The following DNM3 variants were observed in gnomAD, a reference collection of about 807,000 sequenced individuals.
The protein encoded by DNM3 is dynamin 3, also known as dynamin-3.
A neutral mutation model predicts 101.6 loss-of-function variants in DNM3; 47 were observed. The observed-to-expected ratio is 0.46, with a 90% CI of 0.37 to 0.59. DNM3 has a LOEUF of 0.59. Among genes scored for constraint, DNM3 ranks in the 20% least tolerant of loss-of-function variants. The pLI is 0.00. For missense variants in DNM3, 849 were observed against 1,085.7 expected (o/e 0.78, Z 3.06); for synonymous variants, 385 against 387.9 (o/e 0.99, Z 0.09).
intron 4 of DNM3, among the ~76,000 whole-genome samples, chr1:172,001,085 A>T (rs1420667128): frequency 6.6e-6 from 1 of 152,068 alleles, no homozygotes; most frequent in African/African-American, 2.4e-5. Flanking sequence ...CACCTGTGAG[A>T]GTCCTGGCCA....
intron 15 of DNM3, among the ~76,000 whole-genome samples, chr1:172,276,246 A>G (rs1366842549): frequency 2.6e-5 from 4 of 151,980 alleles, no homozygotes; most frequent in Non-Finnish European, 5.9e-5. Context: ...CTGTCTGGGC[A>G]AAAAGAAACA....
At chr1:172,151,846 G>A (rs1195306961) in intron 14 of DNM3, among the ~76,000 whole-genome samples, 1 of 152,064 alleles carries the variant, frequency 6.6e-6, no homozygotes, top group African/African-American at 2.4e-5. Context: ...TTTCTGAAGA[G>A]AGGAAAACAG....
chr1:171,943,609 T>A (rs1284633846), intron 2 of DNM3, among the ~76,000 whole-genome samples: 1 of 152,208 alleles, frequency 6.6e-6, no homozygotes, highest in Non-Finnish European at 1.5e-5. Context: ...AATCTTTGAA[T>A]CTACCTATGA....
At chr1:172,311,173 C>G (rs1204967737) in intron 16 of DNM3, 1 of 152,050 alleles carries the variant, frequency 6.6e-6, no homozygotes, top group East Asian at 1.9e-4. Flanking sequence ...TTATTATGAA[C>G]ATTTTCATCA....
chr1:172,058,900 C>T (rs1267607416), intron 10 of DNM3, among the ~76,000 whole-genome samples: 2 of 152,018 alleles, frequency 1.3e-5, no homozygotes, highest in Admixed American at 6.6e-5. Context: ...ATTAATGAAT[C>T]CAGGAGCTGG....
chr1:172,387,556 G>A (rs1490144625), intron 19 of DNM3, among the ~76,000 whole-genome samples, 197 bp downstream of exon 19: 3 of 152,012 alleles, frequency 2.0e-5, no homozygotes, highest in African/African-American at 4.8e-5. Flanking sequence ...CTACTCGGGA[G>A]GCTGAGGCAG....
intron 14 of DNM3, among the ~76,000 whole-genome samples, chr1:172,155,468 C>T (rs1405989188): frequency 6.6e-6 from 1 of 151,950 alleles, no homozygotes; most frequent in Non-Finnish European, 1.5e-5. Flanking sequence ...TAATATGGTG[C>T]TTGTTTGTAT....
At chr1:172,157,666 C>A (rs1006897145) in intron 14 of DNM3, among the ~76,000 whole-genome samples, 1 of 151,930 alleles carries the variant, frequency 6.6e-6, no homozygotes, top group African/African-American at 2.4e-5. Context: ...ATTCCCTAAA[C>A]AATATGATAT....
intron 12 of DNM3, among the ~76,000 whole-genome samples, chr1:172,091,581 G>C (rs1232229432): frequency 2.0e-5 from 3 of 152,190 alleles, no homozygotes; most frequent in Non-Finnish European, 4.4e-5. Flanking sequence ...GTTTGAAAAA[G>C]AGCAGATGCC....
At position 171,962,864 on chromosome 1, in the gene DNM3, A is replaced by T. The variant is rs942877463; in HGVS notation, c.236-24792A>T. 3.6e-4 allele frequency among the ~76,000 whole-genome samples: 55 copies of T among 152,220 alleles called. 1 individual carries two copies. The highest frequency in any genetic ancestry group is 1.2e-3 in the African/African-American group (50 of 41,466). On this transcript the variant is annotated intron_variant, in intron 2 of 20. Transcript: ENST00000627582. ...TGATTGAACACCTATCAGAATGGTG[A>T]AAACCTAAAAACTAACAGTACTAAA...
chr1:172,329,781 C>T (rs2066103908), intron 17 of DNM3, among the ~76,000 whole-genome samples: 1 of 152,038 alleles, frequency 6.6e-6, no homozygotes, highest in African/African-American at 2.4e-5. Context: ...CAAAACAAAG[C>T]AAAGAACACT....
intron 1 of DNM3, among the ~76,000 whole-genome samples, chr1:171,898,686 G>GTA (rs1558232765): frequency 1.3e-5 from 1 of 79,178 alleles, no homozygotes; most frequent in Non-Finnish European, 2.4e-5. Context: ...AAGTGTGTGT[G>GTA]TATATACATA....
At chr1:172,170,827 T>C (rs954390238) in intron 14 of DNM3, among the ~76,000 whole-genome samples, 1 of 151,826 alleles carries the variant, frequency 6.6e-6, no homozygotes, top group African/African-American at 2.4e-5. Context: ...TGCACCTTTT[T>C]ATAACTAAAT....
At chr1:171,967,658 G>C (rs754974769) in intron 2 of DNM3, among the ~76,000 whole-genome samples, 17 of 152,134 alleles carry the variant, frequency 1.1e-4, no homozygotes, top group South Asian at 4.1e-4. Context: ...ATTGGGAATC[G>C]TCACCAAGTC....
intron 4 of DNM3, among the ~76,000 whole-genome samples, chr1:172,020,708 T>A (rs4532857): frequency 7.4e-6 from 1 of 135,230 alleles, no homozygotes; most frequent in Non-Finnish European, 1.5e-5. Flanking sequence ...TGGGCGACAG[T>A]GTGAGACTCC....
intron 12 of DNM3, among the ~76,000 whole-genome samples, chr1:172,087,805 G>C (rs935365278): frequency 6.6e-6 from 1 of 152,078 alleles, no homozygotes; most frequent in Admixed American, 6.6e-5. Flanking sequence ...GTTACTTTCA[G>C]AATAAAGTCT....
At chr1:172,288,812 A>G (rs1363883510) in intron 15 of DNM3, among the ~76,000 whole-genome samples, 1 of 152,182 alleles carries the variant, frequency 6.6e-6, no homozygotes, top group Non-Finnish European at 1.5e-5. Context: ...AAAATCTGAG[A>G]TATCAAGAGA....
intron 17 of DNM3, among the ~76,000 whole-genome samples, chr1:172,352,424 C>T (rs1437073312): frequency 1.3e-5 from 2 of 152,060 alleles, no homozygotes; most frequent in African/African-American, 2.4e-5. Context: ...CATTCTAGTC[C>T]TCTGTGTCAG....
At chr1:172,120,526 C>T (rs2056239809) in intron 13 of DNM3, among the ~76,000 whole-genome samples, 1 of 152,192 alleles carries the variant, frequency 6.6e-6, no homozygotes, top group African/African-American at 2.4e-5. Flanking sequence ...AATTTCTTCA[C>T]ATAAATTACA....
Sources: gnomAD v4.1 joint callset for allele counts (sites outside exome capture counted in the v4.1 genomes callset) on GRCh38, gnomAD v4.1.1 for gene constraint, MANE v1.5 for transcripts, NCBI Gene and HGNC (gene_info 2026-07-23, HGNC 2026-07-21) for gene names.